The following AGBL1 variants were observed in gnomAD, a reference collection of about 807,000 sequenced individuals.
The protein encoded by AGBL1 is cytosolic carboxypeptidase 4.
In AGBL1, 130 loss-of-function variants were observed where a neutral mutation model predicts 118.9. The ratio of observed to expected loss-of-function variants is 1.09; its 90% confidence interval spans 0.95 to 1.26. The LOEUF (loss-of-function observed/expected upper bound fraction) is 1.26. AGBL1 is among the 50% of genes most tolerant of loss of function. AGBL1 has a pLI of 0.00. For synonymous variants in AGBL1, 555 were observed against 478.9 expected (o/e 1.16, Z -2.08); for missense variants, 1,584 against 1,298.1 (o/e 1.22, Z -3.38).
chr15:86,720,442 G>A (rs2142718057), intron 22 of AGBL1, among the ~76,000 whole-genome samples: 1 of 152,290 alleles, frequency 6.6e-6, no homozygotes, highest in East Asian at 1.9e-4. Context: ...TTGTATTAAA[G>A]TTCTCAAGTA....
intron 1 of AGBL1, chr15:86,116,741 T>G (rs1443366002): frequency 6.6e-6 from 1 of 152,210 alleles, no homozygotes; most frequent in East Asian, 1.9e-4. Flanking sequence ...TCAGCTTCCC[T>G]GGTTCTTAGA....
intron 22 of AGBL1, among the ~76,000 whole-genome samples, chr15:86,767,464 T>G (rs538199890): frequency 1.1e-4 from 17 of 152,074 alleles, no homozygotes; most frequent in Middle Eastern, 6.8e-3. Flanking sequence ...TCTTAAATAA[T>G]AAATGCTGAG....
intron 1 of AGBL1, among the ~76,000 whole-genome samples, chr15:86,123,871 G>C (rs1400991882): frequency 2.0e-5 from 3 of 152,144 alleles, no homozygotes; most frequent in Non-Finnish European, 4.4e-5. Context: ...TGCAGTGTTT[G>C]ACTCTTTTTT....
At chr15:86,240,209 C>T (rs1291069800) in intron 6 of AGBL1, among the ~76,000 whole-genome samples, 1 of 152,130 alleles carries the variant, frequency 6.6e-6, no homozygotes, top group Non-Finnish European at 1.5e-5. Context: ...ATGAGATGAT[C>T]CATATAAGAT....
chr15:86,821,154 A>C (rs1026306425), intron 22 of AGBL1, among the ~76,000 whole-genome samples: 1 of 152,030 alleles, frequency 6.6e-6, no homozygotes, highest in African/African-American at 2.4e-5. Context: ...GGAGGGGAAC[A>C]TCACACACTG....
At chr15:86,423,752 A>G (rs2081825767) in intron 18 of AGBL1, among the ~76,000 whole-genome samples, 1 of 152,192 alleles carries the variant, frequency 6.6e-6, no homozygotes, top group Non-Finnish European at 1.5e-5. Flanking sequence ...ACAGACAGAG[A>G]GCCAAATCAT....
In AGBL1 at chr15:86,264,708, C is replaced by G. The variant is rs1260091323; in HGVS notation, c.1537C>G (p.Leu513Val). 1 of 1,614,020 alleles carries G rather than the reference C, an allele frequency of 6.2e-7. No individual in the cohort carries two copies. Among genetic ancestry groups the G allele is most frequent in the East Asian group, 2.2e-5 (1 of 44,876 alleles). The change falls in exon 11 of 23, where the codon CTT (leucine) becomes GTT (valine). Residue 513 changes from leucine (L) to valine (V), a missense_variant. Physicochemically the swap from Leu to Val is conservative, Grantham distance 32 (BLOSUM62 1). Transcript: ENST00000614907. ...LKRVPFHDPY[L>V]YMAKARRTSS... Reference sequence around the variant, plus strand: ...GCGTGTCCCTTTCCACGATCCCTATCTTTATATGGCCAAAGCCAGAAGAAC... The same window carrying G: ...GCGTGTCCCTTTCCACGATCCCTATGTTTATATGGCCAAAGCCAGAAGAAC...
At chr15:86,651,721 C>A (rs2085374161) in intron 21 of AGBL1, among the ~76,000 whole-genome samples, 1 of 152,130 alleles carries the variant, frequency 6.6e-6, no homozygotes, top group Non-Finnish European at 1.5e-5. Flanking sequence ...TAATAAGTTC[C>A]AACTACTGAT....
At chr15:86,786,233 T>C (rs553948491) in intron 22 of AGBL1, among the ~76,000 whole-genome samples, 122 of 152,196 alleles carry the variant, frequency 8.0e-4, no homozygotes, top group Non-Finnish European at 7.6e-4. Flanking sequence ...ATTAGGTATA[T>C]CTCCTAAAGC....
intron 18 of AGBL1, among the ~76,000 whole-genome samples, chr15:86,492,596 G>GAAA (rs998900235): frequency 2.8e-5 from 2 of 70,984 alleles, no homozygotes; most frequent in Non-Finnish European, 6.4e-5. Context: ...TCAAAAAAAA[G>GAAA]AAAAAAAAAA....
At chr15:86,153,102 G>A (rs2077137644) in intron 3 of AGBL1, among the ~76,000 whole-genome samples, 3 of 152,186 alleles carry the variant, frequency 2.0e-5, no homozygotes, top group African/African-American at 7.2e-5. Flanking sequence ...AGACAGTGTG[G>A]TGACTCCTCA....
chr15:86,640,973 T>G (rs1052506566), intron 21 of AGBL1, among the ~76,000 whole-genome samples: 29 of 152,082 alleles, frequency 1.9e-4, no homozygotes, highest in African/African-American at 7.0e-4. Context: ...AGGTTGATTT[T>G]TTTTTTTATG....
intron 5 of AGBL1, among the ~76,000 whole-genome samples, chr15:86,211,091 T>C (rs1393664352): frequency 6.6e-6 from 1 of 152,226 alleles, no homozygotes; most frequent in Non-Finnish European, 1.5e-5. Flanking sequence ...TTCAGGTCTG[T>C]TGGAGTTTGC....
chr15:86,481,578 T>G (rs1210963626), intron 18 of AGBL1, among the ~76,000 whole-genome samples: 1 of 152,190 alleles, frequency 6.6e-6, no homozygotes, highest in Non-Finnish European at 1.5e-5. Context: ...ACGACTATCC[T>G]GTTTTTGGAA....
chr15:86,939,469 C>T (rs1389267338), intron 23 of AGBL1, among the ~76,000 whole-genome samples: 1 of 152,190 alleles, frequency 6.6e-6, no homozygotes, highest in East Asian at 1.9e-4. Flanking sequence ...TGTTGGCTTC[C>T]CTACTCTTGA....
chr15:86,187,787 C>A (rs2077656427), intron 5 of AGBL1, among the ~76,000 whole-genome samples: 1 of 152,136 alleles, frequency 6.6e-6, no homozygotes, highest in Non-Finnish European at 1.5e-5. Flanking sequence ...TGTAGCAAAT[C>A]CTGTCCTTTG....
At chr15:86,366,605 C>T (rs900826775) in intron 17 of AGBL1, among the ~76,000 whole-genome samples, 1 of 152,174 alleles carries the variant, frequency 6.6e-6, no homozygotes, top group African/African-American at 2.4e-5. Context: ...CATCACCCGT[C>T]TCTCCCAGAC....
At chr15:86,857,371 A>T (rs563845614) in intron 22 of AGBL1, among the ~76,000 whole-genome samples, 1 of 152,112 alleles carries the variant, frequency 6.6e-6, no homozygotes, top group South Asian at 2.1e-4. Context: ...TCTTTTCAGT[A>T]TGGGATTCTC....
rs559860770 is a variant in AGBL1 at position 86,954,172 on chromosome 15, A to G, written c.3222-33815A>G. ...AGAATCTGGTGAGGCTGCAGAGAAA[A>G]GGGAACACTTATAAACTGTTGGTAA... is the stretch of plus-strand genomic sequence containing the variant. On this transcript the variant is annotated intron_variant, in intron 23 of 24. Transcript: ENST00000441037. Among the ~76,000 whole-genome samples, 12 of 152,340 alleles carry G rather than the reference A, an allele frequency of 7.9e-5. No homozygotes were observed. In the South Asian group the frequency reaches 2.5e-3, roughly 32 times the overall value.
Sources: gnomAD v4.1 joint callset for allele counts (sites outside exome capture counted in the v4.1 genomes callset) on GRCh38, gnomAD v4.1.1 for gene constraint, MANE v1.5 for transcripts, NCBI Gene and HGNC (gene_info 2026-07-23, HGNC 2026-07-21) for gene names.